Variants in SAMMSON observed in about 807,000 individuals in gnomAD.
The protein encoded by SAMMSON is survival associated mitochondrial melanoma specific oncogenic non-coding RNA.
At position 70,418,979 on chromosome 3, in the gene SAMMSON, T is replaced by TC. The variant is rs756818789; in HGVS notation, n.234-43581_234-43580insC. ...CCTTTCCTTTCCTTTCCTTCCTTCC[T>TC]TCTCTCTCTCTCTCTCTCTCTCTTT... is the stretch of plus-strand genomic sequence containing the variant. On this transcript the variant is annotated intron_variant and non_coding_transcript_variant, in intron 2 of 3. Coordinates refer to the SAMMSON transcript ENST00000641053. Among the ~76,000 whole-genome samples the TC allele has an allele frequency of 3.3e-3, 220 of 67,248 alleles. 2 individuals carry two copies. The highest frequency in any genetic ancestry group is 8.6e-3 in the African/African-American group (145 of 16,814). The allele number at this position is 67,248 out of a possible 152,430, so 44.1% of individuals were successfully genotyped here.
chr3:70,164,082 G>A (rs892960691), intron 4 of SAMMSON, among the ~76,000 whole-genome samples: 1 of 152,026 alleles, frequency 6.6e-6, no homozygotes, highest in Admixed American at 6.6e-5. Context: ...TGCAGTGATT[G>A]TGCTGATGGA....
At chr3:70,333,558 G>A (rs1379535363) in intron 7 of SAMMSON, among the ~76,000 whole-genome samples, 1 of 151,980 alleles carries the variant, frequency 6.6e-6, no homozygotes, top group Admixed American at 6.6e-5. Context: ...ACCTTTTACA[G>A]AATACTAGGT....
intron 7 of SAMMSON, among the ~76,000 whole-genome samples, chr3:70,347,696 C>A (rs1438125434): frequency 6.6e-6 from 1 of 152,142 alleles, no homozygotes; most frequent in African/African-American, 2.4e-5. Context: ...TAAGTTTATA[C>A]CCTAGTGTGT....
chr3:70,110,606 C>G (rs2067384683), intron 4 of SAMMSON, among the ~76,000 whole-genome samples: 1 of 152,106 alleles, frequency 6.6e-6, no homozygotes, highest in Non-Finnish European at 1.5e-5. Flanking sequence ...ATCCAGTCAC[C>G]TTATACCTCT....
intron 6 of SAMMSON, among the ~76,000 whole-genome samples, chr3:70,286,462 C>A (rs1156634904): frequency 6.6e-6 from 1 of 151,566 alleles, no homozygotes. Flanking sequence ...GTTACTGTAG[C>A]CTTGTAGTAT....
At chr3:70,277,598 T>C (rs1702039989) in intron 6 of SAMMSON, among the ~76,000 whole-genome samples, 1 of 152,228 alleles carries the variant, frequency 6.6e-6, no homozygotes, top group Admixed American at 6.5e-5. Context: ...GCAATAATGC[T>C]GTGTCATACT....
intron 3 of SAMMSON, among the ~76,000 whole-genome samples, chr3:70,047,723 A>C (rs2067132149): frequency 6.6e-6 from 1 of 152,070 alleles, no homozygotes; most frequent in African/African-American, 2.4e-5. Context: ...TACAAAGAAC[A>C]GTTCTGGAGC....
At chr3:70,221,392 G>A (rs886798130) in intron 4 of SAMMSON, among the ~76,000 whole-genome samples, 1 of 152,142 alleles carries the variant, frequency 6.6e-6, no homozygotes, top group Non-Finnish European at 1.5e-5. Context: ...GAGAAGAAGG[G>A]CGCTGTGCCT....
At chr3:70,157,181 A>G (rs1401046612) in intron 4 of SAMMSON, among the ~76,000 whole-genome samples, 1 of 152,082 alleles carries the variant, frequency 6.6e-6, no homozygotes, top group Admixed American at 6.6e-5. Flanking sequence ...TATTTATTCC[A>G]CAATCTCTGA....
At chr3:70,008,230 C>T (rs1252715575) in intron 1 of SAMMSON, among the ~76,000 whole-genome samples, 3 of 152,096 alleles carry the variant, frequency 2.0e-5, no homozygotes, top group Non-Finnish European at 4.4e-5. Flanking sequence ...TCTAAATTAC[C>T]TTGGGCAGTA....
At chr3:70,251,002 T>C (rs1333355701) in intron 6 of SAMMSON, among the ~76,000 whole-genome samples, 1 of 152,234 alleles carries the variant, frequency 6.6e-6, no homozygotes, top group African/African-American at 2.4e-5. Flanking sequence ...AGTAATATTT[T>C]GTGAAATCAC....
intron 1 of SAMMSON, among the ~76,000 whole-genome samples, chr3:70,007,037 C>A (rs1478871439): frequency 6.6e-6 from 1 of 152,054 alleles, no homozygotes; most frequent in African/African-American, 2.4e-5. Context: ...TTTCTTCATC[C>A]AGTCTATCAT....
chr3:70,346,933 C>G (rs892572413), intron 7 of SAMMSON, among the ~76,000 whole-genome samples: 2 of 152,170 alleles, frequency 1.3e-5, no homozygotes, highest in Non-Finnish European at 2.9e-5. Flanking sequence ...TATGCACAAG[C>G]TGATCTGGCA....
intron 4 of SAMMSON, among the ~76,000 whole-genome samples, chr3:70,077,673 G>T (rs1325950433): frequency 6.6e-6 from 1 of 152,072 alleles, no homozygotes; most frequent in Admixed American, 6.6e-5. Flanking sequence ...CTATTGACTC[G>T]TAAATTTTGT....
chr3:70,370,251 G>A (rs1235269346), intron 9 of SAMMSON, among the ~76,000 whole-genome samples: 2 of 151,986 alleles, frequency 1.3e-5, no homozygotes, highest in Non-Finnish European at 2.9e-5. Flanking sequence ...CTTTGCTGTT[G>A]TGAATAGTGC....
chr3:70,278,841 CTCAAA>C (rs907669341), intron 6 of SAMMSON, among the ~76,000 whole-genome samples: 1 of 151,814 alleles, frequency 6.6e-6, no homozygotes, highest in African/African-American at 2.4e-5. Flanking sequence ...AGCAAGCCAC[CTCAAA>C]TCAAAGGGTT....
chr3:70,429,747 C>T (rs1020733435), intron 2 of SAMMSON, among the ~76,000 whole-genome samples: 3 of 152,132 alleles, frequency 2.0e-5, no homozygotes, highest in Non-Finnish European at 4.4e-5. Flanking sequence ...TGGGAGTTCA[C>T]TCATGATTTG....
chr3:70,153,474 C>T (rs981701526), intron 4 of SAMMSON, among the ~76,000 whole-genome samples: 1 of 151,658 alleles, frequency 6.6e-6, no homozygotes, highest in Admixed American at 6.6e-5. Context: ...GGGTCAATTT[C>T]CCATTGTACC....
At chr3:70,192,556 A>G (rs750329203) in intron 4 of SAMMSON, among the ~76,000 whole-genome samples, 1 of 152,184 alleles carries the variant, frequency 6.6e-6, no homozygotes, top group Non-Finnish European at 1.5e-5. Context: ...CCTCCCACCA[A>G]AAAGATAAAC....
Sources: gnomAD v4.1 joint callset for allele counts (sites outside exome capture counted in the v4.1 genomes callset) on GRCh38, gnomAD v4.1.1 for gene constraint, MANE v1.5 for transcripts, NCBI Gene and HGNC (gene_info 2026-07-23, HGNC 2026-07-21) for gene names.